Variants in KCNH8 observed in about 807,000 individuals in gnomAD.
The protein encoded by KCNH8 is potassium voltage-gated channel subfamily H member 8.
In KCNH8, 70 loss-of-function variants were observed where a neutral mutation model predicts 103.6. The ratio of observed to expected loss-of-function variants is 0.68; its 90% confidence interval spans 0.56 to 0.82. The LOEUF is 0.82. Ranked by LOEUF, KCNH8 falls within the 40% of genes least tolerant of loss-of-function variation. The pLI is 0.00. For synonymous variants in KCNH8, 498 were observed against 489.4 expected, an observed-to-expected ratio of 1.02 and a Z score of -0.23; for missense variants, 1,217 against 1,329.9, an observed-to-expected ratio of 0.92 and a Z score of 1.32.
At chr3:19,444,067 G>A (rs1211172339) in intron 8 of KCNH8, among the ~76,000 whole-genome samples, 4 of 151,972 alleles carry the variant, frequency 2.6e-5, no homozygotes, top group Non-Finnish European at 5.9e-5. Context: ...CAGTGGAGAA[G>A]AGCTAAAACC....
At chr3:19,375,657 G>GTA (rs1553642954) in intron 5 of KCNH8, among the ~76,000 whole-genome samples, 3 of 152,210 alleles carry the variant, frequency 2.0e-5, no homozygotes, top group Non-Finnish European at 4.4e-5. Context: ...GAGGAACTCC[G>GTA]TTCCTTTGGA....
chr3:19,401,364 C>T (rs1434540238), intron 7 of KCNH8, among the ~76,000 whole-genome samples: 3 of 151,964 alleles, frequency 2.0e-5, no homozygotes, highest in African/African-American at 7.2e-5. Flanking sequence ...TTTTCAATCC[C>T]CAACACATCT....
chr3:19,262,971 T>A (rs1161944251), intron 2 of KCNH8, among the ~76,000 whole-genome samples: 2 of 151,960 alleles, frequency 1.3e-5, no homozygotes, highest in African/African-American at 2.4e-5. Context: ...CAACAGCAAA[T>A]GCAATATTTT....
At chr3:19,522,623 G>A (rs909776328) in intron 15 of KCNH8, among the ~76,000 whole-genome samples, 1 of 151,722 alleles carries the variant, frequency 6.6e-6, no homozygotes. Flanking sequence ...AAACATCTGG[G>A]CACCCCATGA....
At chr3:19,373,943 T>C (rs1289621116) in intron 5 of KCNH8, among the ~76,000 whole-genome samples, 2 of 152,182 alleles carry the variant, frequency 1.3e-5, no homozygotes, top group African/African-American at 4.8e-5. Context: ...TAATCCTGAG[T>C]TCTAGTTTGA....
chr3:19,407,534 AG>A (rs1236935691), intron 7 of KCNH8, among the ~76,000 whole-genome samples: 1 of 151,650 alleles, frequency 6.6e-6, no homozygotes, highest in Non-Finnish European at 1.5e-5. Context: ...AGAGATCTTG[AG>A]GTGATCCTTT....
intron 4 of KCNH8, among the ~76,000 whole-genome samples, chr3:19,346,974 A>G (rs923857674): frequency 6.6e-6 from 1 of 152,080 alleles, no homozygotes; most frequent in African/African-American, 2.4e-5. Context: ...TTTTGCAGTT[A>G]TCAAAAACTC....
chr3:19,441,604 A>C (rs1377301090), intron 8 of KCNH8, among the ~76,000 whole-genome samples: 2 of 152,216 alleles, frequency 1.3e-5, no homozygotes, highest in Non-Finnish European at 2.9e-5. Flanking sequence ...GGGAAACTTT[A>C]CTGAACTATA....
At chr3:19,302,283 T>G (rs2065072959) in intron 3 of KCNH8, among the ~76,000 whole-genome samples, 1 of 152,120 alleles carries the variant, frequency 6.6e-6, no homozygotes, top group African/African-American at 2.4e-5. Flanking sequence ...CTCCTCTCAC[T>G]CCATCCCTTT....
chr3:19,213,365 A>C (rs1020576340), intron 1 of KCNH8, among the ~76,000 whole-genome samples: 1 of 152,084 alleles, frequency 6.6e-6, no homozygotes, highest in Non-Finnish European at 1.5e-5. Flanking sequence ...ATACATCTCT[A>C]AACTGAGGAC....
chr3:19,201,858 T>C (rs2063666210), intron 1 of KCNH8, among the ~76,000 whole-genome samples: 1 of 152,180 alleles, frequency 6.6e-6, no homozygotes, highest in African/African-American at 2.4e-5. Flanking sequence ...ATGTTATTAC[T>C]CGGGAGATAA....
intron 11 of KCNH8, among the ~76,000 whole-genome samples, chr3:19,469,573 G>C (rs2067813002): frequency 6.6e-6 from 1 of 152,080 alleles, no homozygotes; most frequent in South Asian, 2.1e-4. Flanking sequence ...CCAAGTAGCT[G>C]GGATTACAGG....
chr3:19,416,717 A>G (rs2066868636), intron 7 of KCNH8, among the ~76,000 whole-genome samples: 1 of 152,180 alleles, frequency 6.6e-6, no homozygotes, highest in Non-Finnish European at 1.5e-5. Flanking sequence ...TGACACCAAT[A>G]TTATCACCTG....
chr3:19,334,460 C>T (rs1255296027), intron 3 of KCNH8, among the ~76,000 whole-genome samples: 2 of 152,078 alleles, frequency 1.3e-5, no homozygotes, highest in Admixed American at 1.3e-4. Context: ...CAGAACAAAG[C>T]AGGGCTTAAT....
intron 1 of KCNH8, among the ~76,000 whole-genome samples, chr3:19,171,465 A>C (rs2063347797): frequency 1.3e-5 from 2 of 152,108 alleles, no homozygotes; most frequent in Admixed American, 1.3e-4. Flanking sequence ...CCCTACTTAC[A>C]ATCCATTTTT....
Position 19,281,299 on chromosome 3 carries a change from G to A in KCNH8, c.412G>A (p.Val138Met), listed in dbSNP as rs1251809765. 7 of 1,609,030 alleles carry A rather than the reference G, an allele frequency of 4.4e-6. No homozygotes were observed. The highest frequency in any genetic ancestry group is 1.1e-5 in the South Asian group (1 of 89,978). ...GTTCAAAGATATAACAGATACAAAA[G>A]TGAAGATTACTCCAGAAGATAAAAA... ...ASFKDITDTK[V>M]KITPEDKKED... The change falls in exon 3 of 16, where the codon GTG (valine) becomes ATG (methionine). Residue 138 changes from valine (V) to methionine (M), a missense_variant. Val to Met is a conservative substitution (Grantham distance 21, BLOSUM62 1). Around this residue, in one of 3 missense-constraint regions of KCNH8, gnomAD observed 244 missense variants for 256.8 expected, o/e 0.95. Coordinates refer to ENST00000328405, the MANE Select transcript of KCNH8 (RefSeq NM_144633.3).
At chr3:19,243,408 T>C (rs2064166455) in intron 1 of KCNH8, among the ~76,000 whole-genome samples, 1 of 152,196 alleles carries the variant, frequency 6.6e-6, no homozygotes, top group African/African-American at 2.4e-5. Context: ...GGAATAGCTG[T>C]GACCATCAAA....
At chr3:19,322,736 G>A (rs1254346612) in intron 3 of KCNH8, among the ~76,000 whole-genome samples, 1 of 152,148 alleles carries the variant, frequency 6.6e-6, no homozygotes, top group African/African-American at 2.4e-5. Context: ...TGGGTATCTA[G>A]ATCTCTAGCA....
intron 6 of KCNH8, among the ~76,000 whole-genome samples, chr3:19,392,291 A>G (rs1334263732): frequency 6.7e-6 from 1 of 148,786 alleles, no homozygotes; most frequent in East Asian, 2.0e-4. Flanking sequence ...TTCATAAATA[A>G]TACAAGGTAT....
Sources: gnomAD v4.1 joint callset for allele counts (sites outside exome capture counted in the v4.1 genomes callset) on GRCh38, gnomAD v4.1.1 for gene constraint, gnomAD v4.1.1 regional missense constraint, MANE v1.5 for transcripts, NCBI Gene and HGNC (gene_info 2026-07-23, HGNC 2026-07-21) for gene names.